Variants in ITPR1 observed in about 807,000 individuals in gnomAD.
ITPR1 encodes the protein inositol 1,4,5-trisphosphate-gated calcium channel ITPR1.
Under a neutral mutation model 318.4 loss-of-function variants are expected in ITPR1, and 96 were observed. The observed-to-expected ratio is 0.30, with a 90% CI of 0.26 to 0.36. The LOEUF is 0.36. ITPR1 is among the 10% of genes least tolerant of loss of function. The pLI, the probability that ITPR1 is intolerant of heterozygous loss-of-function variation, is 1.00. For missense variants in ITPR1, 2,440 were observed against 3,460.2 expected, an observed-to-expected ratio of 0.71 and a Z score of 7.40; for synonymous variants, 1,312 against 1,289.9, an observed-to-expected ratio of 1.02 and a Z score of -0.37.
intron 44 of ITPR1, among the ~76,000 whole-genome samples, chr3:4,739,972 C>G (rs973542532): frequency 3.3e-5 from 5 of 152,128 alleles, no homozygotes; most frequent in Non-Finnish European, 7.4e-5. Flanking sequence ...AACAGTGTTT[C>G]AAGAAGCAGG....
At chr3:4,538,100 G>T (rs897876669) in intron 4 of ITPR1, among the ~76,000 whole-genome samples, 1 of 151,562 alleles carries the variant, frequency 6.6e-6, no homozygotes, top group African/African-American at 2.4e-5. Context: ...TTTTAAATTA[G>T]ATAATCAATT....
chr3:4,514,085 T>TAA (rs761609034), intron 2 of ITPR1, among the ~76,000 whole-genome samples: 17 of 135,260 alleles, frequency 1.3e-4, no homozygotes, highest in Non-Finnish European at 8.1e-5. Context: ...AGACTCTGTC[T>TAA]AAAAAAAAAA....
intron 4 of ITPR1, among the ~76,000 whole-genome samples, chr3:4,585,490 G>A (rs2089798780): frequency 6.6e-6 from 1 of 152,108 alleles, no homozygotes. Flanking sequence ...AGGCTGGAGT[G>A]CAGTGGTACG....
intron 53 of ITPR1, 182 bp from the exon 54 acceptor site, chr3:4,800,243 G>C (rs1396354056): frequency 1.8e-6 from 1 of 562,968 alleles, no homozygotes; most frequent in East Asian, 3.3e-5. Flanking sequence ...ATGTGTGGAG[G>C]CTTGGAGGTC....
intron 4 of ITPR1, among the ~76,000 whole-genome samples, chr3:4,559,961 C>G (rs2086512993): frequency 1.3e-5 from 2 of 152,172 alleles, no homozygotes; most frequent in Admixed American, 1.3e-4. Flanking sequence ...AGTTCTAGAG[C>G]CAGACTGCTT....
In ITPR1 at chr3:4,727,135, C is replaced by A. The variant is rs1050434669; in HGVS notation, c.5182C>A (p.Pro1728Thr). 1 of 1,598,154 alleles carries A rather than the reference C, an allele frequency of 6.3e-7. No individual in the cohort carries two copies. The highest frequency in any genetic ancestry group is 1.1e-5 in the South Asian group (1 of 90,912). Reference sequence around the variant, plus strand: ...TCTGCATGCCTAGCAGGAGCTTGAACCAAGTCCACCCCTGCGGCAGCTGGA... The same window carrying A: ...TCTGCATGCCTAGCAGGAGCTTGAAACAAGTCCACCCCTGCGGCAGCTGGA... Reference protein sequence around the residue: ...DSENATEELEPSPPLRQLEDH... With the variant: ...DSENATEELETSPPLRQLEDH... The change falls in exon 42 of 62, where the codon CCA (proline) becomes ACA (threonine). Residue 1728 changes from proline (P) to threonine (T), a missense_variant. Physicochemically the swap from Pro to Thr is conservative, Grantham distance 38 (BLOSUM62 -1). Around this residue, in one of 23 missense-constraint regions of ITPR1, gnomAD observed 166 missense variants for 143.7 expected, o/e 1.16. Coordinates refer to ENST00000649015, the MANE Select transcript of ITPR1 (RefSeq NM_001378452.1).
At chr3:4,530,783 C>A (rs1305670834) in intron 4 of ITPR1, among the ~76,000 whole-genome samples, 1 of 151,886 alleles carries the variant, frequency 6.6e-6, no homozygotes, top group African/African-American at 2.4e-5. Flanking sequence ...TCAACAACAA[C>A]AACAACAACA....
At chr3:4,538,734 A>G (rs886762036) in intron 4 of ITPR1, among the ~76,000 whole-genome samples, 2 of 152,230 alleles carry the variant, frequency 1.3e-5, no homozygotes, top group Non-Finnish European at 2.9e-5. Context: ...GAACAAGATC[A>G]TGTCCTTTGC....
At chr3:4,650,684 G>A (rs2093578149) in intron 10 of ITPR1, among the ~76,000 whole-genome samples, 1 of 148,334 alleles carries the variant, frequency 6.7e-6, no homozygotes, top group South Asian at 2.2e-4. Context: ...CCTTGCTGGA[G>A]TTCATTGAGT....
chr3:4,783,222 A>G (rs895133847), intron 50 of ITPR1, among the ~76,000 whole-genome samples: 1 of 152,066 alleles, frequency 6.6e-6, no homozygotes, highest in African/African-American at 2.4e-5. Flanking sequence ...GCCATGTTTC[A>G]TAATTCTCCT....
chr3:4,614,281 A>G (rs2092294458), intron 4 of ITPR1, among the ~76,000 whole-genome samples: 2 of 152,144 alleles, frequency 1.3e-5, no homozygotes, highest in Non-Finnish European at 2.9e-5. Flanking sequence ...ACAAAAACAA[A>G]TAACGATTGT....
Position 4,681,374 on chromosome 3 carries a change from C to G in ITPR1, c.3117C>G (p.Asp1039Glu). ...GTTCTAACTTTTCAGGTGCTCTTGA[C>G]TTTGAACACATTGAAGAACAAGCAG... ...EGPSNVPGAL[D>E]FEHIEEQAEG... Residue 1039 changes from aspartate (D) to glutamate (E), a missense_variant, in exon 26 of 62, where the codon GAC (aspartate) becomes GAG (glutamate). Physicochemically the swap from Asp to Glu is conservative, Grantham distance 45 (BLOSUM62 2). Transcript: ENST00000649015. The G allele has an allele frequency of 6.2e-7, 1 of 1,612,334 alleles. No individual in the cohort carries two copies. The highest frequency in any genetic ancestry group is 8.5e-7 in the Non-Finnish European group (1 of 1,178,622).
At position 4,675,246 on chromosome 3, in the gene ITPR1, A is replaced by G. The variant is rs773293530; in HGVS notation, c.2777A>G (p.Lys926Arg). 6 of 1,607,762 alleles carry G rather than the reference A, an allele frequency of 3.7e-6. No individual in the cohort carries two copies. In the South Asian group the frequency reaches 6.7e-5, roughly 18 times the overall value. Residue 926 changes from lysine (K) to arginine (R), a missense_variant and splice_region_variant, in exon 23 of 62, where the codon AAG (lysine) becomes AGG (arginine). By Grantham distance (26) the Lys-to-Arg change is conservative. Coordinates refer to ENST00000649015, the MANE Select transcript of ITPR1 (RefSeq NM_001378452.1). Reference protein sequence around the residue: ...NKGNNDVEKLKSSNVMRSIHG... With the variant: ...NKGNNDVEKLRSSNVMRSIHG... ...GGTAACAATGATGTGGAGAAGCTGA[A>G]GAGTGAGTATCTGAGGGTGCCCATA...
intron 4 of ITPR1, among the ~76,000 whole-genome samples, chr3:4,553,677 T>C (rs1461459112): frequency 1.2e-4 from 18 of 150,198 alleles, no homozygotes; most frequent in Non-Finnish European, 3.0e-5. Context: ...CTCAGCTCAC[T>C]GCAACTTCTG....
chr3:4,702,895 A>G lies in ITPR1; in HGVS notation c.4602A>G (p.Leu1534=). 1 of 1,613,998 alleles carries G rather than the reference A, an allele frequency of 6.2e-7. No homozygotes were observed. ...TCAGGGTTTACCACTGCAACTGGTT[A>G]ATGCCAAGCCAAAAAGCCTCCGTGG... The part of the protein sequence containing the change: ...GVFRVYHCNW[L]MPSQKASVES... The change falls in exon 36 of 62, where the codon TTA becomes TTG. Residue 1534 remains leucine, a synonymous_variant. Coordinates refer to ENST00000649015, the MANE Select transcript of ITPR1 (RefSeq NM_001378452.1).
chr3:4,780,310 G>A (rs912994314), intron 49 of ITPR1, among the ~76,000 whole-genome samples: 4 of 152,146 alleles, frequency 2.6e-5, no homozygotes, highest in African/African-American at 9.7e-5. Context: ...AAGAATTCAT[G>A]TCTCTTCTTG....
At chr3:4,699,745 A>T (rs2094614402) in intron 34 of ITPR1, 68 bp from the exon 35 acceptor site, 1 of 1,515,398 alleles carries the variant, frequency 6.6e-7, no homozygotes, top group Non-Finnish European at 9.1e-7. Context: ...CACAGGAGGG[A>T]GTCGCAGATT....
chr3:4,807,548 C>A (rs1179032326), intron 55 of ITPR1, among the ~76,000 whole-genome samples: 2 of 152,150 alleles, frequency 1.3e-5, no homozygotes, highest in African/African-American at 2.4e-5. Context: ...GAATGATTGC[C>A]AGCTATTTTA....
intron 13 of ITPR1, among the ~76,000 whole-genome samples, chr3:4,659,707 A>G (rs2093792993): frequency 6.6e-6 from 1 of 151,906 alleles, no homozygotes; most frequent in African/African-American, 2.4e-5. Flanking sequence ...AAAAAAAGAA[A>G]CTGTTATAGT....
Sources: allele counts gnomAD v4.1 joint callset (sites outside exome capture counted in the v4.1 genomes callset), GRCh38; gene constraint gnomAD v4.1.1; regional missense constraint gnomAD v4.1.1; transcripts MANE v1.5; gene names NCBI Gene and HGNC (gene_info 2026-07-23, HGNC 2026-07-21).